Variants in PINX1 observed in about 807,000 individuals in gnomAD.
PINX1 encodes PIN2/TERF1-interacting telomerase inhibitor 1.
Under a neutral mutation model 25.4 loss-of-function variants are expected in PINX1, and 34 were observed. That is an observed-to-expected ratio of 1.34 (90% CI 1.02 to 1.78). PINX1 has a LOEUF of 1.78. Among genes scored for constraint, PINX1 ranks in the 40% most tolerant of loss-of-function variants. The pLI is 0.00. For synonymous variants in PINX1, 197 were observed against 147.7 expected, an observed-to-expected ratio of 1.33 and a Z score of -2.42; for missense variants, 592 against 404.9, an observed-to-expected ratio of 1.46 and a Z score of -3.97.
chr8:10,811,496 C>T (rs2129083213), intron 6 of PINX1, among the ~76,000 whole-genome samples: 1 of 152,346 alleles, frequency 6.6e-6, no homozygotes, highest in East Asian at 1.9e-4. Flanking sequence ...ACCATCCTGA[C>T]ACTCAGTGGC....
At position 10,822,721 on chromosome 8, in the gene PINX1, G is replaced by C. The variant is rs901147924; in HGVS notation, c.395-2452C>G. Among the ~76,000 whole-genome samples, 4 of 152,136 alleles carry C rather than the reference G, an allele frequency of 2.6e-5. No homozygotes were observed. The East Asian group carries it at 7.7e-4, about 29-fold the overall frequency. On this transcript the variant is annotated intron_variant, in intron 5 of 6. Coordinates refer to ENST00000314787, the MANE Select transcript of PINX1 (RefSeq NM_017884.6). ...ATTGACACGAGAACTTAGGAATCAA[G>C]ATGATTTGGAAACAGTTTAGCAATA...
chr8:10,798,216 G>C (rs1474846850), intron 6 of PINX1, among the ~76,000 whole-genome samples: 1 of 152,164 alleles, frequency 6.6e-6, no homozygotes, highest in East Asian at 1.9e-4. Context: ...CATGTGGCCT[G>C]GGTAATGCTT....
intron 6 of PINX1, among the ~76,000 whole-genome samples, chr8:10,815,556 C>T (rs759600115): frequency 6.6e-5 from 10 of 152,050 alleles, no homozygotes; most frequent in Non-Finnish European, 1.3e-4. Context: ...TCTTTTTGGA[C>T]CAAGGACACC....
At chr8:10,804,664 G>C (rs1802380710) in intron 6 of PINX1, among the ~76,000 whole-genome samples, 1 of 151,814 alleles carries the variant, frequency 6.6e-6, no homozygotes, top group African/African-American at 2.4e-5. Context: ...TAATGATTAG[G>C]AATGGTTTCA....
chr8:10,805,157 A>G (rs528557905), intron 6 of PINX1, among the ~76,000 whole-genome samples: 1 of 152,326 alleles, frequency 6.6e-6, no homozygotes, highest in Admixed American at 6.5e-5. Context: ...TTTCTGTGGG[A>G]AAGGAAAATG....
chr8:10,803,032 T>G (rs1802319274), intron 6 of PINX1, among the ~76,000 whole-genome samples: 1 of 152,138 alleles, frequency 6.6e-6, no homozygotes, highest in Non-Finnish European at 1.5e-5. Flanking sequence ...ATTAAACCAT[T>G]CTGTGGTGGG....
At chr8:10,816,794 G>T (rs1226471109) in intron 6 of PINX1, among the ~76,000 whole-genome samples, 1 of 151,718 alleles carries the variant, frequency 6.6e-6, no homozygotes, top group Non-Finnish European at 1.5e-5. Flanking sequence ...CAGGACTGCT[G>T]TATTATCGGA....
At chr8:10,834,567 A>G (rs1025830306) in intron 2 of PINX1, 99 bp downstream of exon 2, 1 of 1,462,624 alleles carries the variant, frequency 6.8e-7, no homozygotes. Flanking sequence ...TTACTGATCC[A>G]AAGCATAAGT....
intron 6 of PINX1, among the ~76,000 whole-genome samples, chr8:10,786,915 T>C (rs1801767630): frequency 6.6e-6 from 1 of 152,142 alleles, no homozygotes; most frequent in African/African-American, 2.4e-5. Context: ...AGCATGTCTA[T>C]TCGACTGTCT....
At chr8:10,826,988 T>C (rs1431137769) in intron 4 of PINX1, among the ~76,000 whole-genome samples, 2 of 152,082 alleles carry the variant, frequency 1.3e-5, no homozygotes, top group Non-Finnish European at 2.9e-5. Flanking sequence ...TACAAATGAA[T>C]GGAGACCAAA....
intron 4 of PINX1, among the ~76,000 whole-genome samples, chr8:10,831,357 C>T (rs531554199): frequency 6.6e-6 from 1 of 152,298 alleles, no homozygotes; most frequent in Non-Finnish European, 1.5e-5. Context: ...GAGGAAAAAG[C>T]TCTAGTGTTC....
intron 6 of PINX1, among the ~76,000 whole-genome samples, chr8:10,794,255 T>C (rs1046871937): frequency 6.6e-6 from 1 of 152,240 alleles, no homozygotes; most frequent in Non-Finnish European, 1.5e-5. Flanking sequence ...ATTACAATTT[T>C]TTAAAAATAA....
chr8:10,820,395 C>T (rs1256367006), intron 5 of PINX1, 126 bp from the exon 6 acceptor site: 8 of 710,284 alleles, frequency 1.1e-5, no homozygotes, highest in Non-Finnish European at 2.0e-5. Context: ...TTTGAAACTA[C>T]TGACTTTCTA....
intron 4 of PINX1, among the ~76,000 whole-genome samples, chr8:10,830,055 G>A (rs190844514): frequency 1.2e-4 from 19 of 152,286 alleles, no homozygotes; most frequent in African/African-American, 4.6e-4. Flanking sequence ...AATTAGTAAG[G>A]AATAGTGTCC....
intron 6 of PINX1, among the ~76,000 whole-genome samples, chr8:10,789,373 T>A (rs1372385938): frequency 6.6e-6 from 1 of 152,222 alleles, no homozygotes. Flanking sequence ...AGCAAAATGA[T>A]CCCCACAGTC....
intron 5 of PINX1, among the ~76,000 whole-genome samples, chr8:10,825,629 C>G (rs1387284009): frequency 3.3e-5 from 5 of 152,144 alleles, no homozygotes; most frequent in Non-Finnish European, 7.4e-5. Context: ...GCTTTTTACC[C>G]GACTTGGCAA....
At chr8:10,830,579 C>T (rs1586208501) in intron 4 of PINX1, among the ~76,000 whole-genome samples, 1 of 152,284 alleles carries the variant, frequency 6.6e-6, no homozygotes, top group East Asian at 1.9e-4. Context: ...ACACATGACA[C>T]ACAAGGAATA....
At chr8:10,829,211 G>C (rs952561445) in intron 4 of PINX1, among the ~76,000 whole-genome samples, 1 of 151,178 alleles carries the variant, frequency 6.6e-6, no homozygotes, top group Non-Finnish European at 1.5e-5. Context: ...GCTTGAACCC[G>C]GGAGGCGGAG....
chr8:10,816,521 G>A (rs1434497555), intron 6 of PINX1, among the ~76,000 whole-genome samples: 2 of 152,192 alleles, frequency 1.3e-5, no homozygotes, highest in East Asian at 1.9e-4. Flanking sequence ...AAGTCAAGTC[G>A]TTCTTCAGGC....
Sources: gnomAD v4.1 joint callset for allele counts (sites outside exome capture counted in the v4.1 genomes callset) on GRCh38, gnomAD v4.1.1 for gene constraint, MANE v1.5 for transcripts, NCBI Gene and HGNC (gene_info 2026-07-23, HGNC 2026-07-21) for gene names.